Variants in LAMA3 observed in about 807,000 individuals in gnomAD.
LAMA3 encodes the protein laminin subunit alpha-3.
LAMA3 carries 281 observed loss-of-function variants against 402.0 expected under a neutral mutation model. The ratio of observed to expected loss-of-function variants is 0.70; its 90% CI spans 0.63 to 0.77. LAMA3 has a LOEUF of 0.77. Ranked by LOEUF, LAMA3 falls within the 30% of genes least tolerant of loss-of-function variation. The pLI, the probability that LAMA3 is intolerant of heterozygous loss-of-function variation, is 0.00. For synonymous variants in LAMA3, 1,431 were observed against 1,558.4 expected, an observed-to-expected ratio of 0.92 and a Z score of 1.93; for missense variants, 3,840 against 4,215.5, an observed-to-expected ratio of 0.91 and a Z score of 2.47.
intron 5 of LAMA3, among the ~76,000 whole-genome samples, chr18:23,752,025 A>T (rs2143587100): frequency 6.6e-6 from 1 of 152,312 alleles, no homozygotes; most frequent in South Asian, 2.1e-4. Context: ...TTGGCTTTTT[A>T]TATAGGTAAC....
chr18:23,903,302 T>C (rs556146712), intron 49 of LAMA3, among the ~76,000 whole-genome samples, 177 bp downstream of exon 49: 1 of 152,352 alleles, frequency 6.6e-6, no homozygotes, highest in African/African-American at 2.4e-5. Flanking sequence ...ATGAATGACA[T>C]GTCTTCTTAT....
At chr18:23,824,592 T>A in intron 21 of LAMA3, 27 bp downstream of exon 21, 18 of 1,612,720 alleles carry the variant, frequency 1.1e-5, no homozygotes, top group Non-Finnish European at 1.5e-5. Flanking sequence ...AATGGAGAGC[T>A]CCTGCGGGAT....
chr18:23,889,855 C>A (rs965881389), intron 41 of LAMA3, among the ~76,000 whole-genome samples, 156 bp from the exon 42 acceptor site: 2 of 152,156 alleles, frequency 1.3e-5, no homozygotes, highest in African/African-American at 4.8e-5. Flanking sequence ...GGGGTAAATA[C>A]CTCTGTATTG....
chr18:23,815,604 C>T lies in LAMA3; in HGVS notation c.2047+31C>T, dbSNP rs201979130. 197 of 1,408,058 alleles carry T rather than the reference C, an allele frequency of 1.4e-4. 2 individuals are homozygous for T. The African/African-American group carries it at 2.5e-3, about 18-fold the overall frequency. The allele number at this position is 1,408,058 out of a possible 1,614,324, so 87.2% of individuals were successfully genotyped here. A position where few individuals can be genotyped will look rare whatever the true frequency, so the allele number is the denominator to read the frequency against. On this transcript the variant is annotated intron_variant, in intron 17 of 74. Transcript: ENST00000313654. ...TAAGTCCATTGGGCCCTGAGCAAAG[C>T]ACAGTGTTGATGGACAAAGATGGTC...
In LAMA3 at chr18:23,884,772, GCTTTGCCA is replaced by G; in HGVS notation, c.5225_5232del (p.Phe1742TrpfsTer23). 6.2e-7 allele frequency: 1 copy of G among 1,613,504 alleles called. No individual in the cohort carries two copies. Among genetic ancestry groups the G allele is most frequent in the Non-Finnish European group, 8.5e-7 (1 of 1,179,534 alleles). On this transcript the variant is annotated frameshift_variant and splice_region_variant, in exon 41 of 75. Coordinates refer to ENST00000313654, the MANE Select transcript of LAMA3 (RefSeq NM_198129.4). LOFTEE classifies it high-confidence loss of function. The stretch of plus-strand genomic sequence containing the variant: ...GGGGCCTTTTTCTGTCTTCTTTCAA[GCTTTGCCA>G]CTGGCTGTGTGGTGAATGGGGGAGA...
At chr18:23,827,934 C>A (rs2063417324) in intron 23 of LAMA3, among the ~76,000 whole-genome samples, 1 of 152,170 alleles carries the variant, frequency 6.6e-6, no homozygotes, top group African/African-American at 2.4e-5. Flanking sequence ...ACTTCTACAT[C>A]CCCTGGCACC....
At chr18:23,884,276 G>A (rs2064999090) in intron 40 of LAMA3, among the ~76,000 whole-genome samples, 1 of 152,186 alleles carries the variant, frequency 6.6e-6, no homozygotes, top group Admixed American at 6.5e-5. Context: ...AGGCAGGCGA[G>A]TGGTCTCTGT....
At position 23,899,017 on chromosome 18, in the gene LAMA3, G is replaced by T. The variant is rs750091395; in HGVS notation, c.5788G>T (p.Ala1930Ser). Residue 1930 changes from alanine to serine, a missense_variant, in exon 46 of 75, where the codon GCA becomes TCA. Physicochemically the swap from Ala to Ser is moderately conservative, Grantham distance 99. Coordinates refer to ENST00000313654, the MANE Select transcript of LAMA3 (RefSeq NM_198129.4). ...NNNVNRATQS[A>S]KELDVKIKNV... ...CAATGTTAATCGGGCAACACAAAGC[G>T]CAAAAGAACTGGATGTGAAGATTAA... The T allele has an allele frequency of 1.2e-6, 2 of 1,613,950 alleles. No homozygotes were observed. Among genetic ancestry groups the T allele is most frequent in the Non-Finnish European group, 1.7e-6 (2 of 1,179,898 alleles).
At chr18:23,817,105 G>T (rs988511470) in intron 18 of LAMA3, among the ~76,000 whole-genome samples, 7 of 152,134 alleles carry the variant, frequency 4.6e-5, no homozygotes, top group Non-Finnish European at 1.5e-5. Context: ...AGAAAACTTT[G>T]GAAGTGGGGA....
Position 23,931,208 on chromosome 18 carries a change from G to C in LAMA3, c.8576+7G>C, listed in dbSNP as rs1258107. On this transcript the variant is annotated splice_region_variant and intron_variant, in intron 65 of 74. Coordinates refer to ENST00000313654, the MANE Select transcript of LAMA3 (RefSeq NM_198129.4). ...TAATAAGCGACAACTCTGGGTGAGT[G>C]GAATAATACTTCTGTCAGAGCTGTG... The C allele has an allele frequency of 0.98, 1,579,237 of 1,610,772 alleles. 774,639 individuals carry two copies. Among genetic ancestry groups the C allele is most frequent in the East Asian group, 1 (44,872 of 44,878 alleles).
At chr18:23,812,024 C>T (rs1485339682) in intron 13 of LAMA3, among the ~76,000 whole-genome samples, 2 of 151,836 alleles carry the variant, frequency 1.3e-5, no homozygotes, top group African/African-American at 4.8e-5. Flanking sequence ...CAGGCATGTG[C>T]CACCATGCCT....
At position 23,815,546 on chromosome 18, in the gene LAMA3, G is replaced by A; in HGVS notation, c.2020G>A (p.Glu674Lys). ...CTGTGAAGATGGATATTTTGCTTTG[G>A]AAAAGAGCAATTACTTTGGGTGTCA... ...DTCEDGYFAL[E>K]KSNYFGCQGC... is the part of the protein sequence containing the mutation. The change falls in exon 17 of 75, where the codon GAA becomes AAA. Residue 674 changes from glutamate (E) to lysine (K), a missense_variant. This residue lies in a region of LAMA3 where 2,109 missense variants were observed against 2,376.0 expected (regional missense o/e 0.89). Transcript: ENST00000313654. The A allele has an allele frequency of 6.2e-7, 1 of 1,614,038 alleles. No homozygotes were observed. Among genetic ancestry groups the A allele is most frequent in the African/African-American group, 1.3e-5 (1 of 75,036 alleles).
chr18:23,857,515 T>C (rs1429201210), intron 32 of LAMA3, among the ~76,000 whole-genome samples: 1 of 152,258 alleles, frequency 6.6e-6, no homozygotes, highest in Non-Finnish European at 1.5e-5. Context: ...TTAGATTCTG[T>C]GTAGGTTGTC....
chr18:23,896,871 G>C (rs773511750), intron 44 of LAMA3, among the ~76,000 whole-genome samples: 8 of 152,118 alleles, frequency 5.3e-5, no homozygotes, highest in Non-Finnish European at 1.0e-4. Flanking sequence ...AAGCATAAGA[G>C]CACTAGACAG....
chr18:23,910,186 T>A (rs556410793), intron 55 of LAMA3, among the ~76,000 whole-genome samples: 5 of 152,360 alleles, frequency 3.3e-5, no homozygotes, highest in African/African-American at 1.2e-4. Context: ...TGAAGTGTAT[T>A]ATAGCACAGT....
At chr18:23,926,017 T>C (rs1262943866) in intron 62 of LAMA3, among the ~76,000 whole-genome samples, 1 of 152,202 alleles carries the variant, frequency 6.6e-6, no homozygotes, top group Admixed American at 6.5e-5. Context: ...TTGCTACATC[T>C]ATAGTATGGG....
intron 18 of LAMA3, among the ~76,000 whole-genome samples, chr18:23,817,403 A>G (rs1183457162): frequency 6.6e-6 from 1 of 152,208 alleles, no homozygotes; most frequent in Non-Finnish European, 1.5e-5. Flanking sequence ...GTATTTAGCA[A>G]GGTGATTCTC....
intron 21 of LAMA3, among the ~76,000 whole-genome samples, chr18:23,825,826 G>A (rs2063371404): frequency 1.3e-5 from 2 of 152,056 alleles, no homozygotes; most frequent in Admixed American, 1.3e-4. Context: ...CATCATAAGG[G>A]TGCCTATGAT....
In LAMA3 at chr18:23,838,448, T is replaced by G. The variant is rs368224655; in HGVS notation, c.3094-333T>G. ...TCCCAACGGGCCTGAAAAGCCAGGATTGGCGCAAGACAAGACAGAAAAAAA... is the reference window on the plus strand; with the variant it reads ...TCCCAACGGGCCTGAAAAGCCAGGAGTGGCGCAAGACAAGACAGAAAAAAA... On this transcript the variant is annotated intron_variant, in intron 25 of 74. Transcript: ENST00000313654. Among the ~76,000 whole-genome samples, 371 of 152,206 alleles carry G rather than the reference T, an allele frequency of 2.4e-3. 3 individuals are homozygous for G. Among genetic ancestry groups the G allele is most frequent in the African/African-American group, 8.4e-3 (347 of 41,516 alleles).
Sources: gnomAD v4.1 joint callset for allele counts (sites outside exome capture counted in the v4.1 genomes callset) on GRCh38, gnomAD v4.1.1 for gene constraint, gnomAD v4.1.1 regional missense constraint, MANE v1.5 for transcripts, NCBI Gene and HGNC (gene_info 2026-07-23, HGNC 2026-07-21) for gene names.